Variants in HECW2 observed in about 807,000 individuals in gnomAD.
The protein encoded by HECW2 is HECT, C2 and WW domain containing E3 ubiquitin protein ligase 2.
HECW2 carries 61 observed loss-of-function variants against 175.2 expected under a neutral mutation model. The observed-to-expected ratio is 0.35, with a 90% CI of 0.28 to 0.43. The LOEUF (loss-of-function observed/expected upper bound fraction) is 0.43. HECW2 is among the 20% of genes least tolerant of loss of function. HECW2 has a pLI of 1.00. For missense variants in HECW2, 1,524 were observed against 2,000.5 expected (o/e 0.76, Z 4.54); for synonymous variants, 671 against 731.0 (o/e 0.92, Z 1.32).
At chr2:196,441,402 T>C (rs1038995407) in intron 1 of HECW2, among the ~76,000 whole-genome samples, 17 of 146,190 alleles carry the variant, frequency 1.2e-4, no homozygotes, top group African/African-American at 4.5e-4. Context: ...ACACACTTGT[T>C]CAACTATACT....
chr2:196,452,179 A>G (rs74560681), intron 1 of HECW2, among the ~76,000 whole-genome samples: 1,712 of 152,316 alleles, frequency 0.011, 14 homozygotes, highest in East Asian at 0.054. Flanking sequence ...GCCTAAAATG[A>G]GATATGCTGC....
intron 1 of HECW2, among the ~76,000 whole-genome samples, chr2:196,490,074 T>A (rs1046614960): frequency 2.0e-5 from 3 of 152,150 alleles, no homozygotes; most frequent in African/African-American, 4.8e-5. Flanking sequence ...CTTCCCACAC[T>A]CAGCCACTGT....
chr2:196,334,357 C>T, intron 4 of HECW2, 67 bp downstream of exon 4: 1 of 1,200,200 alleles, frequency 8.3e-7, no homozygotes. Flanking sequence ...CAGGGCCGCA[C>T]AGGTAAAAAT....
intron 1 of HECW2, among the ~76,000 whole-genome samples, chr2:196,474,655 T>C (rs139403379): frequency 4.3e-3 from 661 of 152,360 alleles, no homozygotes; most frequent in African/African-American, 0.015. Flanking sequence ...AAAGCTTATA[T>C]AGAAAGCTAT....
intron 14 of HECW2, among the ~76,000 whole-genome samples, chr2:196,283,946 C>T (rs1020329031): frequency 6.6e-6 from 1 of 152,108 alleles, no homozygotes; most frequent in African/African-American, 2.4e-5. Context: ...GGATTTGAAC[C>T]CATGTTTCTG....
At chr2:196,515,962 A>T (rs1305692889) in intron 1 of HECW2, among the ~76,000 whole-genome samples, 22 of 103,764 alleles carry the variant, frequency 2.1e-4, no homozygotes, top group African/African-American at 7.7e-5. Flanking sequence ...CCTCTCTACT[A>T]AAAAAAAAAG....
intron 1 of HECW2, among the ~76,000 whole-genome samples, chr2:196,565,117 T>G (rs1451879941): frequency 6.6e-6 from 1 of 152,138 alleles, no homozygotes; most frequent in Non-Finnish European, 1.5e-5. Flanking sequence ...AAGTCCAACT[T>G]AACTAATTGC....
At chr2:196,269,259 A>C (rs13004233) in intron 17 of HECW2, 41,629 of 151,988 alleles carry the variant, frequency 0.27, 6,061 homozygotes, top group African/African-American at 0.38. Context: ...CCGAGGCGGG[A>C]GGATCACCTG....
chr2:196,328,771 A>G (rs1692248209), intron 5 of HECW2, among the ~76,000 whole-genome samples: 1 of 152,206 alleles, frequency 6.6e-6, no homozygotes, highest in African/African-American at 2.4e-5. Context: ...TTAAAAGTCT[A>G]TTTCAAATAT....
intron 1 of HECW2, chr2:196,592,384 T>G (rs1314384589): frequency 1.3e-5 from 2 of 152,170 alleles, no homozygotes; most frequent in Non-Finnish European, 2.9e-5. Context: ...TGTAAAGATG[T>G]TCTCTAAATT....
chr2:196,233,045 A>T (rs1688110919), intron 21 of HECW2, among the ~76,000 whole-genome samples: 1 of 152,198 alleles, frequency 6.6e-6, no homozygotes, highest in Admixed American at 6.5e-5. Flanking sequence ...TAACTCAGTA[A>T]AACATGTCAC....
intron 1 of HECW2, among the ~76,000 whole-genome samples, chr2:196,500,222 GT>G (rs1687529065): frequency 1.3e-5 from 2 of 152,218 alleles, no homozygotes; most frequent in Non-Finnish European, 1.5e-5. Flanking sequence ...AGAACTTCAA[GT>G]TTTTTTAGTA....
intron 2 of HECW2, among the ~76,000 whole-genome samples, chr2:196,402,295 T>A (rs1694844076): frequency 6.6e-6 from 1 of 151,316 alleles, no homozygotes; most frequent in African/African-American, 2.4e-5. Flanking sequence ...AGAAATTTGA[T>A]AATTGTGCAG....
At chr2:196,530,377 G>A (rs763037206) in intron 1 of HECW2, among the ~76,000 whole-genome samples, 29 of 152,140 alleles carry the variant, frequency 1.9e-4, no homozygotes, top group Non-Finnish European at 4.0e-4. Flanking sequence ...ATGAAGTTCT[G>A]CCTACTAATT....
intron 14 of HECW2, among the ~76,000 whole-genome samples, chr2:196,282,866 A>C (rs1198205411): frequency 1.3e-5 from 2 of 152,140 alleles, no homozygotes; most frequent in East Asian, 3.9e-4. Flanking sequence ...TTTTAGGTTA[A>C]CTTTGGAATG....
chr2:196,489,813 C>T (rs1687125153), intron 1 of HECW2, among the ~76,000 whole-genome samples: 1 of 152,174 alleles, frequency 6.6e-6, no homozygotes, highest in African/African-American at 2.4e-5. Flanking sequence ...ACTTTAGCCT[C>T]CATTATCATA....
At chr2:196,357,347 A>C in intron 2 of HECW2, among the ~76,000 whole-genome samples, 1 of 151,972 alleles carries the variant, frequency 6.6e-6, no homozygotes, top group African/African-American at 2.4e-5. Context: ...GGCGGCACTC[A>C]TCCTCCTCTA....
rs186416898 is a variant in HECW2 at position 196,357,329 on chromosome 2, G to A, written c.293-13565C>T. ...TTTGACAACCCTGGTGGGGGGCTTG[G>A]GCGGGGGGGCGGCACTCATCCTCCT... On this transcript the variant is annotated intron_variant, in intron 2 of 28. Coordinates refer to ENST00000644978, the MANE Select transcript of HECW2 (RefSeq NM_001348768.2). Among the ~76,000 whole-genome samples, 1,109 of 135,540 alleles carry A rather than the reference G, an allele frequency of 8.2e-3. 8 individuals carry two copies. The highest frequency in any genetic ancestry group is 0.013 in the Non-Finnish European group (826 of 65,538). The allele number at this position is 135,540 out of a possible 152,430, so 88.9% of individuals were successfully genotyped here.
intron 15 of HECW2, among the ~76,000 whole-genome samples, chr2:196,276,514 T>C (rs1292940761): frequency 6.6e-6 from 1 of 152,176 alleles, no homozygotes; most frequent in East Asian, 1.9e-4. Flanking sequence ...CTTCATACTG[T>C]GAAGTCATGA....
Sources: gnomAD v4.1 joint callset for allele counts (sites outside exome capture counted in the v4.1 genomes callset) on GRCh38, gnomAD v4.1.1 for gene constraint, MANE v1.5 for transcripts, NCBI Gene and HGNC (gene_info 2026-07-23, HGNC 2026-07-21) for gene names.